SHH: variants seen among roughly 807,000 people sequenced by gnomAD.
SHH encodes sonic hedgehog signaling molecule.
SHH carries 3 observed loss-of-function variants against 16.6 expected under a neutral mutation model. The observed-to-expected ratio is 0.18, with a 90% CI of 0.08 to 0.47. SHH has a LOEUF of 0.47. SHH is among the 20% of genes least tolerant of loss of function. SHH has a pLI of 0.98. For synonymous variants in SHH, 351 were observed against 316.2 expected, an observed-to-expected ratio of 1.11 and a Z score of -1.17; for missense variants, 499 against 665.0, an observed-to-expected ratio of 0.75 and a Z score of 2.75.
intron 1 of SHH, among the ~76,000 whole-genome samples, chr7:155,808,078 A>T (rs1434310405): frequency 6.6e-6 from 1 of 152,166 alleles, no homozygotes; most frequent in Non-Finnish European, 1.5e-5. Context: ...TGTAGAGTTC[A>T]ACATGCAACA....
chr7:155,803,467 C>T lies in SHH; in HGVS notation c.822G>A (p.Val274=), dbSNP rs763319069. Residue 274 remains valine, a synonymous_variant, in exon 3 of 3, where the codon GTG becomes GTA. Transcript: ENST00000297261. ...LLLTAAHLLF[V]APHNDSATGE... The stretch of plus-strand genomic sequence containing the variant: ...CGGTGGCCGAGTCGTTGTGCGGCGC[C>T]ACAAAGAGCAGGTGCGCGGCGGTGA... The T allele has an allele frequency of 6.4e-7, 1 of 1,556,218 alleles. No homozygotes were observed. Among genetic ancestry groups the T allele is most frequent in the South Asian group, 1.2e-5 (1 of 85,814 alleles).
chr7:155,806,977 C>T (rs937549244), intron 1 of SHH: 21 of 288,836 alleles, frequency 7.3e-5, no homozygotes, highest in Non-Finnish European at 1.1e-4. Flanking sequence ...CCTTCTGGGG[C>T]CCCTTTCTCC....
Position 155,803,840 on chromosome 7 carries a change from C to T in SHH, c.563-114G>A. 3 of 893,812 alleles carry T rather than the reference C, an allele frequency of 3.4e-6. No homozygotes were observed. In the South Asian group the frequency reaches 4.7e-5, roughly 14 times the overall value. 55.4% of individuals were successfully genotyped at this position (893,812 alleles called of 1,614,324 possible). A position where few individuals can be genotyped will look rare whatever the true frequency, so the allele number is the denominator to read the frequency against. On this transcript the variant is annotated intron_variant, in intron 2 of 2. Coordinates refer to ENST00000297261, the MANE Select transcript of SHH (RefSeq NM_000193.4). ...TGCCCGCGCTCCTAGGCCAGGGGTG[C>T]GCAAGGCGCGGGGCGGGGCGATTGA...
At chr7:155,810,218 CTG>C (rs1167202015) in intron 1 of SHH, among the ~76,000 whole-genome samples, 1 of 152,222 alleles carries the variant, frequency 6.6e-6, no homozygotes, top group African/African-American at 2.4e-5. Flanking sequence ...GGCCCAAGCC[CTG>C]GGAAGGTGTG....
chr7:155,800,999 G>A lies in SHH; in HGVS notation c.*1901C>T, dbSNP rs539656816. The A allele has an allele frequency of 5.4e-6, 1 of 185,560 alleles. No individual in the cohort carries two copies. The highest frequency in any genetic ancestry group is 1.1e-4 in the South Asian group (1 of 9,440). The allele number at this position is 185,560 out of a possible 1,614,324, so 11.5% of individuals were successfully genotyped here. ...GATTCGGCCCAAAGCACAAAGCATG[G>A]CAGACACCTTCCGTAAGCCAAAGAA... On this transcript the variant is annotated 3_prime_UTR_variant, in exon 3 of 3. Transcript: ENST00000297261.
At position 155,803,122 on chromosome 7, in the gene SHH, T is replaced by C; in HGVS notation, c.1167A>G (p.Ala389=). ...CGCGGTCCGTGCGCGCGGGCGCCAG[T>C]GCAGCCAGGAGCGCGTGCGCCAGGC... ...PFRLAHALLA[A]LAPARTDRGG... Residue 389 remains alanine (A), a synonymous_variant, in exon 3 of 3, where the codon GCA becomes GCG. Transcript: ENST00000297261. The C allele has an allele frequency of 7.2e-7, 1 of 1,382,250 alleles. No individual in the cohort carries two copies. Among genetic ancestry groups the C allele is most frequent in the Non-Finnish European group, 9.4e-7 (1 of 1,066,412 alleles). The allele number at this position is 1,382,250 out of a possible 1,614,324, so 85.6% of individuals were successfully genotyped here.
intron 1 of SHH, among the ~76,000 whole-genome samples, chr7:155,810,769 C>G (rs1386146938): frequency 6.6e-6 from 1 of 152,234 alleles, no homozygotes; most frequent in Non-Finnish European, 1.5e-5. Flanking sequence ...ACCAGCGCCA[C>G]TCCATCAGCC....
chr7:155,808,553 G>A (rs1344036141), intron 1 of SHH, among the ~76,000 whole-genome samples: 2 of 152,194 alleles, frequency 1.3e-5, no homozygotes, highest in African/African-American at 4.8e-5. Flanking sequence ...GGAGGCCGAG[G>A]GTTGCTGGAG....
At chr7:155,804,203 C>T (rs1211673785) in intron 2 of SHH, among the ~76,000 whole-genome samples, 1 of 151,492 alleles carries the variant, frequency 6.6e-6, no homozygotes, top group Admixed American at 6.6e-5. Context: ...CACTCAGCAC[C>T]CGGGCTGCGC....
chr7:155,800,334 G>A lies in SHH; in HGVS notation c.*2566C>T, dbSNP rs762217509. On this transcript the variant is annotated 3_prime_UTR_variant, in exon 3 of 3. Transcript: ENST00000297261. ...GCTGGGGACAGCACCCAGCAGCACGGACACTCTGCCACCGGGCCTGTCCAG... is the reference window on the plus strand; with the variant it reads ...GCTGGGGACAGCACCCAGCAGCACGAACACTCTGCCACCGGGCCTGTCCAG... The A allele has an allele frequency of 4.3e-5, 18 of 422,334 alleles. No homozygotes were observed. The highest frequency in any genetic ancestry group is 8.1e-5 in the Non-Finnish European group (17 of 208,762). The allele number at this position is 422,334 out of a possible 1,614,324, so 26.2% of individuals were successfully genotyped here.
chr7:155,805,177 G>T (rs1803321226), intron 2 of SHH, among the ~76,000 whole-genome samples: 2 of 152,078 alleles, frequency 1.3e-5, no homozygotes, highest in South Asian at 2.1e-4. Context: ...GACCCCGCGG[G>T]CAGGGAGCCG....
chr7:155,806,775 T>A (rs1403492184), intron 1 of SHH: 1 of 679,220 alleles, frequency 1.5e-6, no homozygotes, highest in Non-Finnish European at 2.7e-6. Context: ...GAGGAGCACG[T>A]CCTCTCAGGG....
In SHH at chr7:155,806,461, G is replaced by A. The variant is rs768462874; in HGVS notation, c.397C>T (p.His133Tyr). The change falls in exon 2 of 3, where the codon CAC becomes TAC. Residue 133 changes from histidine (H) to tyrosine (Y), a missense_variant. By Grantham distance (83) the His-to-Tyr change is moderately conservative (BLOSUM62 2). Coordinates refer to ENST00000297261, the MANE Select transcript of SHH (RefSeq NM_000193.4). ...TAGTGCAGAGACTCCTCTGAGTGGT[G>A]GCCATCTTCGTCCCAGCCCTCGGTC... ...RVTEGWDEDG[H>Y]HSEESLHYEG... 1.9e-6 allele frequency: 3 copies of A among 1,613,810 alleles called. No homozygotes were observed. Among genetic ancestry groups the A allele is most frequent in the Non-Finnish European group, 2.5e-6 (3 of 1,180,030 alleles).
intron 2 of SHH, among the ~76,000 whole-genome samples, chr7:155,804,225 C>T (rs936953733): frequency 6.6e-6 from 1 of 150,862 alleles, no homozygotes; most frequent in Non-Finnish European, 1.5e-5. Context: ...GCGGAAACCC[C>T]TGGCCCGCCT....
intron 2 of SHH, among the ~76,000 whole-genome samples, chr7:155,806,072 A>G (rs532740540): frequency 6.6e-6 from 1 of 152,116 alleles, no homozygotes; most frequent in East Asian, 1.9e-4. Flanking sequence ...ACAGGACCCC[A>G]TCTCGGGGCA....
Position 155,812,201 on chromosome 7 carries a change from T to G in SHH, c.-79A>C. ...AGTGCGCGCGGCGGGTGTGTGCGTG[T>G]GCGCTCTCTCTTGCGCTTTCCCTTC... On this transcript the variant is annotated 5_prime_UTR_variant, in exon 1 of 3. Transcript: ENST00000297261. 7.2e-7 allele frequency: 1 copy of G among 1,379,686 alleles called. No individual in the cohort carries two copies. Among genetic ancestry groups the G allele is most frequent in the South Asian group, 1.2e-5 (1 of 86,168 alleles). The allele number at this position is 1,379,686 out of a possible 1,614,324, so 85.5% of individuals were successfully genotyped here. A position where few individuals can be genotyped will look rare whatever the true frequency, so the allele number is the denominator to read the frequency against.
chr7:155,811,320 G>A (rs1466142119), intron 1 of SHH, among the ~76,000 whole-genome samples: 1 of 152,202 alleles, frequency 6.6e-6, no homozygotes, highest in African/African-American at 2.4e-5. Flanking sequence ...GGGGGTAGTG[G>A]TGGGAAAGAA....
intron 1 of SHH, among the ~76,000 whole-genome samples, chr7:155,810,628 G>T (rs1563202710): frequency 6.6e-6 from 1 of 152,232 alleles, no homozygotes; most frequent in Non-Finnish European, 1.5e-5. Context: ...GACAGCTGGA[G>T]CAGGCTACCT....
At chr7:155,806,206 C>T (rs952427232) in intron 2 of SHH, 90 bp downstream of exon 2, 6 of 1,537,800 alleles carry the variant, frequency 3.9e-6, no homozygotes, top group Non-Finnish European at 4.5e-6. Flanking sequence ...GGCCCTCAGC[C>T]TCCCCCCAGG....
Sources: allele counts gnomAD v4.1 joint callset (sites outside exome capture counted in the v4.1 genomes callset), GRCh38; gene constraint gnomAD v4.1.1; transcripts MANE v1.5; gene names NCBI Gene and HGNC (gene_info 2026-07-23, HGNC 2026-07-21).